Variants in EML6 observed in about 807,000 individuals in gnomAD.
The protein encoded by EML6 is EMAP like 6.
EML6 carries 154 observed loss-of-function variants against 240.1 expected under a neutral mutation model. That is an observed-to-expected ratio of 0.64 (90% CI 0.56 to 0.73). The LOEUF (loss-of-function observed/expected upper bound fraction) is 0.73. EML6 is among the 30% of genes least tolerant of loss of function. The pLI, the probability that EML6 is intolerant of heterozygous loss-of-function variation, is 0.00. For synonymous variants in EML6, 1,148 were observed against 899.0 expected, an observed-to-expected ratio of 1.28 and a Z score of -4.95; for missense variants, 2,964 against 2,474.6, an observed-to-expected ratio of 1.20 and a Z score of -4.20.
intron 17 of EML6, among the ~76,000 whole-genome samples, chr2:54,888,491 T>C (rs1016905330): frequency 6.6e-6 from 1 of 152,188 alleles, no homozygotes; most frequent in Non-Finnish European, 1.5e-5. Context: ...TAAAAGTTCT[T>C]TGTGTTCTGC....
chr2:54,791,267 C>G (rs1669436226), intron 2 of EML6, among the ~76,000 whole-genome samples: 1 of 152,138 alleles, frequency 6.6e-6, no homozygotes, highest in African/African-American at 2.4e-5. Context: ...CAGTTACAGT[C>G]CTGCCGGTAT....
At chr2:54,888,818 A>C (rs1300670522) in intron 17 of EML6, among the ~76,000 whole-genome samples, 2 of 152,228 alleles carry the variant, frequency 1.3e-5, no homozygotes, top group Non-Finnish European at 2.9e-5. Context: ...AAGCTGCTAT[A>C]AATATCCATG....
chr2:54,964,206 G>C, intron 37 of EML6, 48 bp downstream of exon 37: 4 of 1,523,484 alleles, frequency 2.6e-6, no homozygotes, highest in Non-Finnish European at 3.5e-6. Flanking sequence ...CAAGCATTCT[G>C]CTTACCAGTG....
chr2:54,913,218 C>T (rs184882881), intron 25 of EML6, among the ~76,000 whole-genome samples: 56 of 151,304 alleles, frequency 3.7e-4, no homozygotes, highest in African/African-American at 1.1e-3. Context: ...TCTTTTGAGA[C>T]GTGTCTTTTC....
At chr2:54,824,404 C>G (rs746038777) in intron 5 of EML6, among the ~76,000 whole-genome samples, 1 of 152,122 alleles carries the variant, frequency 6.6e-6, no homozygotes, top group Non-Finnish European at 1.5e-5. Flanking sequence ...TACATTTAAG[C>G]GGACTTCAAA....
chr2:54,900,549 A>G (rs990880755), intron 22 of EML6, among the ~76,000 whole-genome samples: 2 of 152,194 alleles, frequency 1.3e-5, no homozygotes, highest in African/African-American at 4.8e-5. Context: ...AACCTTGAAT[A>G]TGAGAGCCAC....
intron 2 of EML6, among the ~76,000 whole-genome samples, chr2:54,727,030 G>C (rs1682937398): frequency 6.6e-6 from 1 of 152,200 alleles, no homozygotes; most frequent in Non-Finnish European, 1.5e-5. Flanking sequence ...GAAAAGGGTG[G>C]AGTTGCAGTA....
rs193053379 is a variant in EML6 at position 54,829,401 on chromosome 2, G to T, written c.771G>T (p.Gly257=). 1.2e-5 allele frequency: 18 copies of T among 1,551,762 alleles called. No homozygotes were observed. Among genetic ancestry groups the T allele is most frequent in the Middle Eastern group, 1.7e-4 (1 of 5,996 alleles). The change falls in exon 7 of 42, where the codon GGG becomes GGT. Residue 257 remains glycine (G), a synonymous_variant. Transcript: ENST00000356458. ...GCTTTGCCACTGGTGGGCGAGATGG[G>T]TGTATACGACTGTGGGACACTGATT... ...EEGFATGGRD[G]CIRLWDTDFK...
At position 54,891,069 on chromosome 2, in the gene EML6, G is replaced by A. The variant is rs1456383429; in HGVS notation, c.2454G>A (p.Lys818=). Residue 818 remains lysine, a synonymous_variant, in exon 18 of 42, where the codon AAG becomes AAA. Transcript: ENST00000356458. ...TCTCTTACAGAGGACATAAAGATAA[G>A]ATATTTGTGGTAAAGTGTAACCCAC... The part of the protein sequence containing the change: ...KIATTRGHKD[K]IFVVKCNPHH... 2.7e-6 allele frequency: 4 copies of A among 1,478,438 alleles called. No individual in the cohort carries two copies. 91.6% of individuals were successfully genotyped at this position (1,478,438 alleles called of 1,614,324 possible). A position where few individuals can be genotyped will look rare whatever the true frequency, so the allele number is the denominator to read the frequency against.
At chr2:54,884,104 C>A (rs1208723989) in intron 17 of EML6, among the ~76,000 whole-genome samples, 5 of 152,188 alleles carry the variant, frequency 3.3e-5, no homozygotes, top group Non-Finnish European at 5.9e-5. Flanking sequence ...CTGGAGGTAG[C>A]CTCAGATGCC....
rs111494537 is a variant in EML6, at chr2:54,923,567, G to A, written c.3676-4746G>A. Among the ~76,000 whole-genome samples, 554 of 152,182 alleles carry A rather than the reference G, an allele frequency of 3.6e-3. 3 individuals are homozygous for A. Among genetic ancestry groups the A allele is most frequent in the African/African-American group, 0.013 (533 of 41,514 alleles). On this transcript the variant is annotated intron_variant, in intron 26 of 41. Transcript: ENST00000356458. ...GGAAAAAGTAAATTTTAGACATCAAGATACTTACCCCTAAATGTTTCATCA... is the reference window on the plus strand; with the variant it reads ...GGAAAAAGTAAATTTTAGACATCAAAATACTTACCCCTAAATGTTTCATCA...
intron 7 of EML6, among the ~76,000 whole-genome samples, chr2:54,836,803 C>T (rs1669173609): frequency 6.6e-6 from 1 of 152,178 alleles, no homozygotes; most frequent in African/African-American, 2.4e-5. Context: ...TTCTGTTTTG[C>T]ACTGGGCTCC....
chr2:54,863,594 AAGGAGTGAAGGGT>A lies in EML6; in HGVS notation c.1826-188_1826-176del, dbSNP rs1374807108. On this transcript the variant is annotated intron_variant, in intron 12 of 41. Transcript: ENST00000356458. ...TGGCCTAGTCTGTTAATGTTCCTGA[AAGGAGTGAAGGGT>A]GGGCTGAACTAAACCAAAAGGTGAA... 2.6e-5 allele frequency among the ~76,000 whole-genome samples: 4 copies of A among 152,166 alleles called. No individual in the cohort carries two copies. In the East Asian group the frequency reaches 5.8e-4, roughly 22 times the overall value.
chr2:54,879,705 T>C, intron 17 of EML6, 65 bp downstream of exon 17: 2 of 960,928 alleles, frequency 2.1e-6, no homozygotes, highest in East Asian at 2.6e-5. Context: ...GTCAATAGTT[T>C]TCATTTTCTG....
chr2:54,875,412 C>T (rs1417100111), intron 16 of EML6, among the ~76,000 whole-genome samples: 1 of 152,172 alleles, frequency 6.6e-6, no homozygotes, highest in East Asian at 1.9e-4. Context: ...GCTAGTGCTC[C>T]ATCTGTGTGC....
intron 31 of EML6, among the ~76,000 whole-genome samples, chr2:54,953,140 A>G: frequency 6.6e-6 from 1 of 152,138 alleles, no homozygotes; most frequent in African/African-American, 2.4e-5. Flanking sequence ...CAATTTTTAC[A>G]ACTTCCTGCT....
intron 22 of EML6, among the ~76,000 whole-genome samples, chr2:54,902,231 C>A (rs1673095106): frequency 6.6e-6 from 1 of 152,160 alleles, no homozygotes; most frequent in Non-Finnish European, 1.5e-5. Context: ...TTCTTCGAAG[C>A]AAAGATACTG....
At chr2:54,875,212 C>G (rs1328376405) in intron 16 of EML6, among the ~76,000 whole-genome samples, 1 of 152,142 alleles carries the variant, frequency 6.6e-6, no homozygotes, top group Non-Finnish European at 1.5e-5. Flanking sequence ...AAGAGAGATC[C>G]CGTTCTAAAA....
chr2:54,793,086 C>T (rs1292057641), intron 2 of EML6, among the ~76,000 whole-genome samples: 1 of 151,932 alleles, frequency 6.6e-6, no homozygotes, highest in African/African-American at 2.4e-5. Flanking sequence ...TCGTCAACAT[C>T]GTGTAACTCC....
Sources: allele counts gnomAD v4.1 joint callset (sites outside exome capture counted in the v4.1 genomes callset), GRCh38; gene constraint gnomAD v4.1.1; transcripts MANE v1.5; gene names NCBI Gene and HGNC (gene_info 2026-07-23, HGNC 2026-07-21).